The following ZNF703 variants were observed in gnomAD, a reference collection of about 807,000 sequenced individuals.
The protein encoded by ZNF703 is NocA-like zinc finger 1.
Under a neutral mutation model 30.7 loss-of-function variants are expected in ZNF703, and 18 were observed. The ratio of observed to expected loss-of-function variants is 0.59; its 90% CI spans 0.40 to 0.87. The LOEUF (loss-of-function observed/expected upper bound fraction) is 0.87, where lower values mean the gene tolerates loss of function less well. ZNF703 is among the 40% of genes least tolerant of loss of function. The pLI, the probability that ZNF703 is intolerant of heterozygous loss-of-function variation, is 0.00. For synonymous variants in ZNF703, 457 were observed against 438.6 expected (o/e 1.04, Z -0.52); for missense variants, 814 against 847.8 (o/e 0.96, Z 0.50).
chr8:37,696,493 C>G lies in ZNF703; in HGVS notation c.243+271C>G, dbSNP rs1002100390. ...TTGCTCCTGGAGTCCCCTCTGGGTC[C>G]TTTACTTTTCCTCTGATCCCCAGTT... On this transcript the variant is annotated intron_variant, in intron 1 of 1. Coordinates refer to ENST00000331569, the MANE Select transcript of ZNF703 (RefSeq NM_025069.3). This position sits in a 1 kb window ranked among gnomAD's most constrained non-coding sequence, Gnocchi z 8.2. Among the ~76,000 whole-genome samples, 2 of 152,142 alleles carry G rather than the reference C, an allele frequency of 1.3e-5. No homozygotes were observed. The highest frequency in any genetic ancestry group is 2.9e-5 in the Non-Finnish European group (2 of 68,016).
At chr8:37,697,101 T>A (rs960226246) in intron 1 of ZNF703, 44 bp from the exon 2 acceptor site, 16 of 1,463,844 alleles carry the variant, frequency 1.1e-5, no homozygotes, top group Non-Finnish European at 1.3e-5. Flanking sequence ...CGCAGGCCTC[T>A]GAGTCTCACT....
rs146605977 is a variant in ZNF703 at position 37,698,590 on chromosome 8, C to T, written c.1689C>T (p.Ser563=). The T allele has an allele frequency of 1.3e-6, 2 of 1,563,624 alleles. No homozygotes were observed. The highest frequency in any genetic ancestry group is 1.7e-6 in the Non-Finnish European group (2 of 1,157,988). Reference sequence around the variant, plus strand: ...CAGCGGGGGGCCTGGCCGTGCCGTCCCTCCCCACAGCCGGACCCTACTATT... The same window carrying T: ...CAGCGGGGGGCCTGGCCGTGCCGTCTCTCCCCACAGCCGGACCCTACTATT... The part of the protein sequence containing the change: ...LSTAGGLAVP[S]LPTAGPYYSP... Residue 563 remains serine (S), a synonymous_variant, in exon 2 of 2, where the codon TCC becomes TCT. Coordinates refer to ENST00000331569, the MANE Select transcript of ZNF703 (RefSeq NM_025069.3).
At position 37,696,956 on chromosome 8, in the gene ZNF703, C is replaced by T. The variant is rs1406565499; in HGVS notation, c.244-189C>T. ...CTTCCGCAGGGCCTGCGGCGCACCCCGGGACCCAGCGGCAGTGTGGGCGCA... is the reference window on the plus strand; with the variant it reads ...CTTCCGCAGGGCCTGCGGCGCACCCTGGGACCCAGCGGCAGTGTGGGCGCA... On this transcript the variant is annotated intron_variant, in intron 1 of 1. Coordinates refer to ENST00000331569, the MANE Select transcript of ZNF703 (RefSeq NM_025069.3). This position sits in a 1 kb window ranked among gnomAD's most constrained non-coding sequence, Gnocchi z 8.2. Among the ~76,000 whole-genome samples the T allele has an allele frequency of 6.6e-6, 1 of 152,088 alleles. No individual in the cohort carries two copies. Among genetic ancestry groups the T allele is most frequent in the Admixed American group, 6.5e-5 (1 of 15,270 alleles).
rs1802089283 is a variant in ZNF703 at position 37,697,420 on chromosome 8, C to T, written c.519C>T (p.Ser173=). 1.9e-6 allele frequency: 3 copies of T among 1,549,886 alleles called. No individual in the cohort carries two copies. The highest frequency in any genetic ancestry group is 1.2e-5 in the South Asian group (1 of 83,700). Residue 173 remains serine (S), a synonymous_variant, in exon 2 of 2, where the codon TCC becomes TCT. Coordinates refer to ENST00000331569, the MANE Select transcript of ZNF703 (RefSeq NM_025069.3). ...GGDSRKDSGS[S]SVSSTSSSSS... is the part of the protein sequence containing the mutation. ...ACTCCCGCAAAGACAGCGGCTCCTCCTCGGTGTCTTCCACCTCCTCCTCGT... is the reference window on the plus strand; with the variant it reads ...ACTCCCGCAAAGACAGCGGCTCCTCTTCGGTGTCTTCCACCTCCTCCTCGT...
Position 37,698,258 on chromosome 8 carries a change from C to T in ZNF703, c.1357C>T (p.Pro453Ser). 1 of 1,538,526 alleles carries T rather than the reference C, an allele frequency of 6.5e-7. No individual in the cohort carries two copies. Among genetic ancestry groups the T allele is most frequent in the Non-Finnish European group, 8.7e-7 (1 of 1,147,576 alleles). ...CTACGGCTTCATGCTGCAGAACGAACCGCTGCCGCACAGCTGCAACTGGGT... is the reference window on the plus strand; with the variant it reads ...CTACGGCTTCATGCTGCAGAACGAATCGCTGCCGCACAGCTGCAACTGGGT... ...YTYGFMLQNE[P>S]LPHSCNWVAA... Residue 453 changes from proline to serine, a missense_variant, in exon 2 of 2, where the codon CCG (proline) becomes TCG (serine). Pro to Ser is a moderately conservative substitution (Grantham distance 74). Transcript: ENST00000331569.
At position 37,698,670 on chromosome 8, in the gene ZNF703, A is replaced by G. The variant is rs755089125; in HGVS notation, c.1769A>G (p.Gln590Arg). Residue 590 changes from glutamine to arginine, a missense_variant, in exon 2 of 2, where the codon CAG (glutamine) becomes CGG (arginine). Coordinates refer to ENST00000331569, the MANE Select transcript of ZNF703 (RefSeq NM_025069.3). ...GCTTCAGCCTCGGCGCTGGGATACC[A>G]GTAACTACAGCTCTTCCTCCACCCC... ...RLASASALGY[Q>R] is the part of the protein sequence containing the mutation. The G allele has an allele frequency of 4.8e-6, 7 of 1,451,642 alleles. No individual in the cohort carries two copies. The highest frequency in any genetic ancestry group is 2.5e-5 in the Admixed American group (1 of 40,176). The allele number at this position is 1,451,642 out of a possible 1,614,324, so 89.9% of individuals were successfully genotyped here.
rs912556890 is a variant in ZNF703, at chr8:37,697,609, G to A, written c.708G>A (p.Gly236=). Reference sequence around the variant, plus strand: ...ACTCTGACTGCAAGAACGGCGGCGGGGTTGGCGGCGGGGAGCTGGACAAGA... The same window carrying A: ...ACTCTGACTGCAAGAACGGCGGCGGAGTTGGCGGCGGGGAGCTGGACAAGA... ...PHHSDCKNGG[G]VGGGELDKKD... The change falls in exon 2 of 2, where the codon GGG becomes GGA. Residue 236 remains glycine (G), a synonymous_variant. Transcript: ENST00000331569. The A allele has an allele frequency of 2.8e-6, 4 of 1,418,726 alleles. No homozygotes were observed. Among genetic ancestry groups the A allele is most frequent in the Non-Finnish European group, 2.7e-6 (3 of 1,093,130 alleles). 87.9% of individuals were successfully genotyped at this position (1,418,726 alleles called of 1,614,324 possible). A position where few individuals can be genotyped will look rare whatever the true frequency, so the allele number is the denominator to read the frequency against.
Position 37,695,915 on chromosome 8 carries a change from C to CCGG in ZNF703, c.-65_-64insCGG. On this transcript the variant is annotated 5_prime_UTR_variant, in exon 1 of 2. Transcript: ENST00000331569. ...CGCTGCGGAGCGAGCCCACCCGCCC[C>CCGG]GGGAGCTCGCCTCCCCGGTGCTCCC... 4.5e-6 allele frequency: 6 copies of CCGG among 1,321,398 alleles called. No individual in the cohort carries two copies. Among genetic ancestry groups the CCGG allele is most frequent in the Non-Finnish European group, 6.0e-6 (6 of 1,004,388 alleles). 81.9% of individuals were successfully genotyped at this position (1,321,398 alleles called of 1,614,324 possible).
rs1258242912 is a variant in ZNF703 at position 37,698,181 on chromosome 8, C to T, written c.1280C>T (p.Ala427Val). 2 of 1,520,090 alleles carry T rather than the reference C, an allele frequency of 1.3e-6. No homozygotes were observed. Among genetic ancestry groups the T allele is most frequent in the Non-Finnish European group, 1.8e-6 (2 of 1,138,108 alleles). The allele number at this position is 1,520,090 out of a possible 1,614,324, so 94.2% of individuals were successfully genotyped here. The change falls in exon 2 of 2, where the codon GCG becomes GTG. Residue 427 changes from alanine (A) to valine (V), a missense_variant. Physicochemically the swap from Ala to Val is moderately conservative, Grantham distance 64. Transcript: ENST00000331569. ...CCCGGGCACCCGCTGCAGCCCGCCG[C>T]GCTCTCGTCCAGCGCCGCCCAGGCC... ...VYPGHPLQPA[A>V]LSSSAAQAAL...
In ZNF703 at chr8:37,696,632, GCACGGCGC is replaced by G. The variant is rs909464478; in HGVS notation, c.243+412_243+419del. On this transcript the variant is annotated intron_variant, in intron 1 of 1. Transcript: ENST00000331569. This position sits in a 1 kb window ranked among gnomAD's most constrained non-coding sequence, Gnocchi z 8.2. Reference sequence around the variant, plus strand: ...CGCCTCTGTCCCATCCGGTGAGGGCGCACGGCGCCCTGGCGCTCCCGATCCCGGATCTT... The same window carrying G: ...CGCCTCTGTCCCATCCGGTGAGGGCGCCTGGCGCTCCCGATCCCGGATCTT... Among the ~76,000 whole-genome samples the G allele has an allele frequency of 2.4e-4, 36 of 152,110 alleles. No homozygotes were observed. Among genetic ancestry groups the G allele is most frequent in the African/African-American group, 8.2e-4 (34 of 41,426 alleles).
chr8:37,697,920 G>T lies in ZNF703; in HGVS notation c.1019G>T (p.Gly340Val), dbSNP rs1044686290. The T allele has an allele frequency of 1.9e-6, 3 of 1,556,700 alleles. No individual in the cohort carries two copies. In the African/African-American group the frequency reaches 4.1e-5, roughly 21 times the overall value. The change falls in exon 2 of 2, where the codon GGC (glycine) becomes GTC (valine). Residue 340 changes from glycine to valine, a missense_variant. Physicochemically the swap from Gly to Val is moderately radical, Grantham distance 109. Transcript: ENST00000331569. ...FVPGLDPSKS[G>V]LVGGQLSGGL... ...CCTGGCCTGGATCCTAGCAAGTCCG[G>T]CCTCGTGGGAGGCCAGCTGTCTGGG...
In ZNF703 at chr8:37,695,827, C is replaced by T. The variant is rs1292616496; in HGVS notation, c.-153C>T. ...GGGCCAGCGGCGGTGGCGGCGGCGG[C>T]GGAGGCGTCGGTGGAGGAGGGGAGG... On this transcript the variant is annotated 5_prime_UTR_variant, in exon 1 of 2. Transcript: ENST00000331569. 29 of 631,844 alleles carry T rather than the reference C, an allele frequency of 4.6e-5. No homozygotes were observed. The highest frequency in any genetic ancestry group is 6.5e-5 in the Non-Finnish European group (27 of 415,828). The allele number at this position is 631,844 out of a possible 1,614,324, so 39.1% of individuals were successfully genotyped here.
At position 37,698,415 on chromosome 8, in the gene ZNF703, G is replaced by GCGCCGC. The variant is rs568050040; in HGVS notation, c.1537_1542dup (p.Ala513_Ala514dup). 1.9e-4 allele frequency: 284 copies of GCGCCGC among 1,483,732 alleles called. No individual in the cohort carries two copies. The highest frequency in any genetic ancestry group is 5.6e-4 in the Middle Eastern group (3 of 5,336). 91.9% of individuals were successfully genotyped at this position (1,483,732 alleles called of 1,614,324 possible). ...TACCCCGGGGCCTCGGGCCTGGGCAGCGCCGCCGCCGCCGCCGCCGCCGCC... is the reference window on the plus strand; with the variant it reads ...TACCCCGGGGCCTCGGGCCTGGGCAGCGCCGCCGCCGCCGCCGCCGCCGCCGCCGCC... On this transcript the variant is annotated inframe_insertion, in exon 2 of 2. Transcript: ENST00000331569.
chr8:37,699,445 G>C lies in ZNF703; in HGVS notation c.*771G>C, dbSNP rs778207826. On this transcript the variant is annotated 3_prime_UTR_variant, in exon 2 of 2. Transcript: ENST00000331569. ...TCCTCTACCTTGCTCTGAGCACGGA[G>C]AGCCCTGACCCCACCAGTAGGCTCG... The C allele has an allele frequency of 2.6e-4, 39 of 152,216 alleles. No homozygotes were observed. The highest frequency in any genetic ancestry group is 4.7e-4 in the Non-Finnish European group (32 of 68,114). The allele number at this position is 152,216 out of a possible 1,614,324, so 9.4% of individuals were successfully genotyped here.
chr8:37,695,972 TCCTCCA>T lies in ZNF703; in HGVS notation c.-7_-2del. 7.5e-7 allele frequency: 1 copy of T among 1,335,052 alleles called. No homozygotes were observed. The highest frequency in any genetic ancestry group is 9.9e-7 in the Non-Finnish European group (1 of 1,012,484). 82.7% of individuals were successfully genotyped at this position (1,335,052 alleles called of 1,614,324 possible). A position where few individuals can be genotyped will look rare whatever the true frequency, so the allele number is the denominator to read the frequency against. ...TCCCCGCCCCCCCAGCGGCGCTGCC[TCCTCCA>T]AATGAGCGATTCGCCCGCTGGATCT... On this transcript the variant is annotated 5_prime_UTR_variant, in exon 1 of 2. Transcript: ENST00000331569.
In ZNF703 at chr8:37,698,417, G is replaced by A. The variant is rs1461073137; in HGVS notation, c.1516G>A (p.Ala506Thr). The A allele has an allele frequency of 7.0e-7, 1 of 1,432,374 alleles. No homozygotes were observed. Among genetic ancestry groups the A allele is most frequent in the Non-Finnish European group, 9.1e-7 (1 of 1,095,216 alleles). The allele number at this position is 1,432,374 out of a possible 1,614,324, so 88.7% of individuals were successfully genotyped here. A position where few individuals can be genotyped will look rare whatever the true frequency, so the allele number is the denominator to read the frequency against. ...AYPGASGLGSAAAAAAAAASC... is the reference protein window; with the variant it reads ...AYPGASGLGSTAAAAAAAASC... ...CCCCGGGGCCTCGGGCCTGGGCAGC[G>A]CCGCCGCCGCCGCCGCCGCCGCCGC... The change falls in exon 2 of 2, where the codon GCC becomes ACC. Residue 506 changes from alanine (A) to threonine (T), a missense_variant. By Grantham distance (58) the Ala-to-Thr change is moderately conservative. Coordinates refer to ENST00000331569, the MANE Select transcript of ZNF703 (RefSeq NM_025069.3).
In ZNF703 at chr8:37,698,055, A is replaced by T. The variant is rs1382934008; in HGVS notation, c.1154A>T (p.Tyr385Phe). 6.6e-7 allele frequency: 1 copy of T among 1,513,224 alleles called. No individual in the cohort carries two copies. The highest frequency in any genetic ancestry group is 8.9e-7 in the Non-Finnish European group (1 of 1,120,932). The allele number at this position is 1,513,224 out of a possible 1,614,324, so 93.7% of individuals were successfully genotyped here. A position where few individuals can be genotyped will look rare whatever the true frequency, so the allele number is the denominator to read the frequency against. Reference protein sequence around the residue: ...LCRDPYCLGGYHGASHLGGSS... With the variant: ...LCRDPYCLGGFHGASHLGGSS... ...CGCGACCCCTATTGCTTGGGAGGTT[A>T]CCACGGCGCCTCGCACCTCGGCGGC... is the stretch of plus-strand genomic sequence containing the variant. The change falls in exon 2 of 2, where the codon TAC becomes TTC. Residue 385 changes from tyrosine to phenylalanine, a missense_variant. By Grantham distance (22) the Tyr-to-Phe change is conservative (BLOSUM62 3). Transcript: ENST00000331569.
At position 37,695,887 on chromosome 8, in the gene ZNF703, C is replaced by T; in HGVS notation, c.-93C>T. On this transcript the variant is annotated 5_prime_UTR_variant, in exon 1 of 2. Transcript: ENST00000331569. Reference sequence around the variant, plus strand: ...GGCGCAGCTCCCGCTGCACCGCGATCGACGCTGCGGAGCGAGCCCACCCGC... The same window carrying T: ...GGCGCAGCTCCCGCTGCACCGCGATTGACGCTGCGGAGCGAGCCCACCCGC... 2 of 1,213,124 alleles carry T rather than the reference C, an allele frequency of 1.6e-6. No individual in the cohort carries two copies. Among genetic ancestry groups the T allele is most frequent in the South Asian group, 1.8e-5 (1 of 56,306 alleles). The allele number at this position is 1,213,124 out of a possible 1,614,324, so 75.1% of individuals were successfully genotyped here.
At position 37,698,152 on chromosome 8, in the gene ZNF703, G is replaced by A; in HGVS notation, c.1251G>A (p.Val417=). 6.6e-7 allele frequency: 1 copy of A among 1,511,552 alleles called. No individual in the cohort carries two copies. The highest frequency in any genetic ancestry group is 8.8e-7 in the Non-Finnish European group (1 of 1,132,094). 93.6% of individuals were successfully genotyped at this position (1,511,552 alleles called of 1,614,324 possible). A position where few individuals can be genotyped will look rare whatever the true frequency, so the allele number is the denominator to read the frequency against. The part of the protein sequence containing the change: ...PSLKAGGYPL[V]YPGHPLQPAA... ...TGAAGGCGGGGGGCTACCCGCTGGT[G>A]TACCCCGGGCACCCGCTGCAGCCCG... Residue 417 remains valine (V), a synonymous_variant, in exon 2 of 2, where the codon GTG becomes GTA. Coordinates refer to ENST00000331569, the MANE Select transcript of ZNF703 (RefSeq NM_025069.3).
Sources: gnomAD v4.1 joint callset for allele counts (sites outside exome capture counted in the v4.1 genomes callset) on GRCh38, gnomAD v4.1.1 for gene constraint, Gnocchi (gnomAD v3.1) non-coding constraint, MANE v1.5 for transcripts, NCBI Gene and HGNC (gene_info 2026-07-23, HGNC 2026-07-21) for gene names.